The following MLIP variants were observed in gnomAD, a reference collection of about 807,000 sequenced individuals.
MLIP encodes muscular LMNA interacting protein.
A neutral mutation model predicts 84.8 loss-of-function variants in MLIP; 79 were observed. The ratio of observed to expected loss-of-function variants is 0.93; its 90% CI spans 0.78 to 1.12. The LOEUF is 1.12. MLIP is among the 50% of genes most tolerant of loss of function. The pLI is 0.00. For synonymous variants in MLIP, 504 were observed against 463.0 expected (o/e 1.09, Z -1.14); for missense variants, 1,257 against 1,160.6 (o/e 1.08, Z -1.21).
Position 54,137,750 on chromosome 6 carries a change from T to A in MLIP, c.1681T>A (p.Ser561Thr), listed in dbSNP as rs1487086782. Reference protein sequence around the residue: ...PPVPPSSSLSSLKSKQDGDLR... With the variant: ...PPVPPSSSLSTLKSKQDGDLR... ...TGTTCCACCAAGCTCTTCTCTTTCC[T>A]CTTTGAAGAGTAAACAGGATGGTGA... Residue 561 changes from serine to threonine, a missense_variant, in exon 4 of 14, where the codon TCT becomes ACT. By Grantham distance (58) the Ser-to-Thr change is moderately conservative (BLOSUM62 1). Transcript: ENST00000502396. 1.3e-6 allele frequency: 2 copies of A among 1,535,966 alleles called. No individual in the cohort carries two copies. Among genetic ancestry groups the A allele is most frequent in the Admixed American group, 2.0e-5 (1 of 50,972 alleles).
rs1466696873 is a variant in MLIP, at chr6:54,136,804, C to T, written c.735C>T (p.Pro245=). ...CTCCAACTAATCCGAACACACCACC[C>T]GACCCAGTTAACCTCGAGGGAGCCT... ...FVSPTNPNTP[P]DPVNLEGASV... is the part of the protein sequence containing the mutation. Residue 245 remains proline, a synonymous_variant, in exon 4 of 14, where the codon CCC becomes CCT. Transcript: ENST00000502396. 1.3e-6 allele frequency: 2 copies of T among 1,529,336 alleles called. No homozygotes were observed. The highest frequency in any genetic ancestry group is 3.9e-5 in the Admixed American group (2 of 50,872). The allele number at this position is 1,529,336 out of a possible 1,614,324, so 94.7% of individuals were successfully genotyped here.
intron 1 of MLIP, among the ~76,000 whole-genome samples, chr6:54,100,440 G>A (rs1768558446): frequency 6.6e-6 from 1 of 151,910 alleles, no homozygotes; most frequent in African/African-American, 2.4e-5. Flanking sequence ...TACATGCCAT[G>A]AGAAGAAAAT....
intron 10 of MLIP, among the ~76,000 whole-genome samples, chr6:54,191,089 C>A (rs942377853): frequency 3.9e-5 from 6 of 152,104 alleles, no homozygotes; most frequent in African/African-American, 1.4e-4. Flanking sequence ...GCCATCGCGC[C>A]CGGCCAAAGA....
intron 11 of MLIP, among the ~76,000 whole-genome samples, chr6:54,212,175 G>T (rs77967712): frequency 0.084 from 12,750 of 152,068 alleles, 668 homozygotes; most frequent in East Asian, 0.21. Flanking sequence ...TAATTATTAG[G>T]TTCCAAGACA....
rs560101603 is a variant in MLIP, at chr6:54,167,603, C to T, written c.2500-1925C>T. 2.6e-5 allele frequency among the ~76,000 whole-genome samples: 4 copies of T among 151,718 alleles called. No homozygotes were observed. In the East Asian group the frequency reaches 7.8e-4, roughly 30 times the overall value. On this transcript the variant is annotated intron_variant, in intron 8 of 13. Coordinates refer to ENST00000502396, the MANE Select transcript of MLIP (RefSeq NM_001281747.2). The stretch of plus-strand genomic sequence containing the variant: ...GCTCATCCTCATTCACATTGTCTTG[C>T]CTTTTTGTGTATCTGAATCTGATTG...
Position 54,124,591 on chromosome 6 carries a change from C to G in MLIP, c.371C>G (p.Ala124Gly). Residue 124 changes from alanine (A) to glycine (G), a missense_variant, in exon 3 of 14, where the codon GCA becomes GGA. Physicochemically the swap from Ala to Gly is moderately conservative, Grantham distance 60. Transcript: ENST00000502396. ...ATTTTACAAGAAAGGGAATTCGAAG[C>G]AAACAAACTTCAAGGGATGCAGCAA... ...GTILQEREFE[A>G]NKLQGMQQSD... 1 of 1,614,174 alleles carries G rather than the reference C, an allele frequency of 6.2e-7. No homozygotes were observed.
rs781672884 is a variant in MLIP, at chr6:54,111,552, G to A, written c.73G>A (p.Gly25Arg). 1.1e-5 allele frequency: 17 copies of A among 1,535,870 alleles called. No homozygotes were observed. The African/African-American group carries it at 1.6e-4, about 15-fold the overall frequency. The stretch of plus-strand genomic sequence containing the variant: ...CCAAATGACCTCGTGCATCTTATCA[G>A]GGAGCATTCAGACCACACCCCAGGT... ...YFQMTSCILS[G>R]SIQTTPQVSA... Residue 25 changes from glycine to arginine, a missense_variant, in exon 1 of 14, where the codon GGG (glycine) becomes AGG (arginine). By Grantham distance (125) the Gly-to-Arg change is moderately radical (BLOSUM62 -2). Transcript: ENST00000502396.
intron 9 of MLIP, among the ~76,000 whole-genome samples, chr6:54,174,182 A>T (rs1002094299): frequency 1.3e-5 from 2 of 152,032 alleles, no homozygotes; most frequent in African/African-American, 2.4e-5. Context: ...TATTGTGAAC[A>T]GTGCTGTGGC....
intron 1 of MLIP, among the ~76,000 whole-genome samples, chr6:54,023,057 C>T (rs936038317): frequency 6.6e-6 from 1 of 151,906 alleles, no homozygotes; most frequent in Non-Finnish European, 1.5e-5. Context: ...GTCCCAGCTG[C>T]TCGGGAGGCT....
chr6:54,100,695 C>T (rs1306039419), intron 1 of MLIP, among the ~76,000 whole-genome samples: 1 of 152,072 alleles, frequency 6.6e-6, no homozygotes, highest in African/African-American at 2.4e-5. Context: ...GTGGTAGGCA[C>T]ACAACCATTC....
chr6:54,025,848 G>T (rs1233160202), intron 1 of MLIP, among the ~76,000 whole-genome samples: 1 of 152,132 alleles, frequency 6.6e-6, no homozygotes, highest in East Asian at 1.9e-4. Flanking sequence ...TAAGGTATTT[G>T]TGTTGCTTAC....
At chr6:54,114,085 GT>G in intron 1 of MLIP, among the ~76,000 whole-genome samples, 1 of 152,316 alleles carries the variant, frequency 6.6e-6, no homozygotes, top group Non-Finnish European at 1.5e-5. Context: ...TGTCAGTGAT[GT>G]TTCAGCCTTT....
intron 11 of MLIP, among the ~76,000 whole-genome samples, chr6:54,222,878 A>C (rs545852714): frequency 6.6e-6 from 1 of 151,760 alleles, no homozygotes; most frequent in African/African-American, 2.4e-5. Context: ...TCTGACCAAC[A>C]CTCATTCCTA....
intron 12 of MLIP, among the ~76,000 whole-genome samples, chr6:54,234,573 C>T (rs186335433): frequency 9.7e-4 from 148 of 152,246 alleles, no homozygotes; most frequent in Non-Finnish European, 1.8e-3. Flanking sequence ...TTTTCTTTCT[C>T]TCAAAGTGGT....
chr6:54,261,478 G>T (rs1321920848), intron 13 of MLIP, among the ~76,000 whole-genome samples: 1 of 151,996 alleles, frequency 6.6e-6, no homozygotes, highest in Non-Finnish European at 1.5e-5. Flanking sequence ...ACACATGCTA[G>T]GCAAATTCTT....
At chr6:54,163,984 T>G (rs1774920924) in intron 8 of MLIP, among the ~76,000 whole-genome samples, 1 of 151,974 alleles carries the variant, frequency 6.6e-6, no homozygotes, top group Admixed American at 6.6e-5. Flanking sequence ...CAGGCTTCTT[T>G]GTCTTCAACA....
chr6:54,076,897 A>G (rs945963135), intron 1 of MLIP, among the ~76,000 whole-genome samples: 1 of 152,162 alleles, frequency 6.6e-6, no homozygotes, highest in African/African-American at 2.4e-5. Context: ...AAAAAGAAAA[A>G]AAAAGAGACA....
At chr6:54,255,172 G>A (rs1782924951) in intron 12 of MLIP, among the ~76,000 whole-genome samples, 1 of 151,946 alleles carries the variant, frequency 6.6e-6, no homozygotes, top group Non-Finnish European at 1.5e-5. Context: ...TCTTTTTCCT[G>A]CATAACTTCC....
At chr6:54,233,636 C>T (rs1781164129) in intron 12 of MLIP, among the ~76,000 whole-genome samples, 1 of 152,162 alleles carries the variant, frequency 6.6e-6, no homozygotes, top group Non-Finnish European at 1.5e-5. Context: ...CTGCAATAAA[C>T]ATATGTGTGC....
Sources: allele counts gnomAD v4.1 joint callset (sites outside exome capture counted in the v4.1 genomes callset), GRCh38; gene constraint gnomAD v4.1.1; transcripts MANE v1.5; gene names NCBI Gene and HGNC (gene_info 2026-07-23, HGNC 2026-07-21).